Variants in FGF12 observed in about 807,000 individuals in gnomAD.
FGF12 encodes fibroblast growth factor 12B.
A neutral mutation model predicts 23.6 loss-of-function variants in FGF12; 14 were observed. The observed-to-expected ratio is 0.59, with a 90% CI of 0.39 to 0.93. The LOEUF is 0.93. Among genes scored for constraint, FGF12 ranks in the 40% least tolerant of loss-of-function variants. FGF12 has a pLI of 0.00. For synonymous variants in FGF12, 62 were observed against 77.3 expected (o/e 0.80, Z 1.04); for missense variants, 175 against 217.8 (o/e 0.80, Z 1.24).
chr3:192,672,913 G>T (rs968911490), intron 2 of FGF12: 6 of 150,666 alleles, frequency 4.0e-5, no homozygotes, highest in Non-Finnish European at 5.9e-5. Flanking sequence ...GACACACTTG[G>T]AAATGGAGAA....
intron 2 of FGF12, among the ~76,000 whole-genome samples, chr3:192,725,562 T>G (rs1039354402): frequency 6.6e-6 from 1 of 152,198 alleles, no homozygotes; most frequent in Non-Finnish European, 1.5e-5. Context: ...TAGCATGTTT[T>G]ATGGGCAACG....
intron 2 of FGF12, among the ~76,000 whole-genome samples, chr3:192,369,547 G>A (rs1719130071): frequency 6.6e-6 from 1 of 152,210 alleles, no homozygotes; most frequent in Non-Finnish European, 1.5e-5. Context: ...AGCTGTAGAA[G>A]ACATGAGACG....
At chr3:192,570,405 T>G (rs1424202862) in intron 2 of FGF12, among the ~76,000 whole-genome samples, 1 of 148,776 alleles carries the variant, frequency 6.7e-6, no homozygotes, top group African/African-American at 2.5e-5. Flanking sequence ...GTAGTCCAAA[T>G]ATGTGATTAA....
intron 4 of FGF12, among the ~76,000 whole-genome samples, chr3:192,269,882 C>A (rs1484431219): frequency 6.6e-6 from 1 of 151,956 alleles, no homozygotes; most frequent in African/African-American, 2.4e-5. Context: ...AGACAAATTT[C>A]TGAGTTTAAT....
chr3:192,365,074 A>T (rs1718913429), intron 2 of FGF12, among the ~76,000 whole-genome samples: 1 of 152,190 alleles, frequency 6.6e-6, no homozygotes, highest in African/African-American at 2.4e-5. Context: ...ATGTTCTACA[A>T]AATACTTGAC....
intron 2 of FGF12, among the ~76,000 whole-genome samples, chr3:192,657,268 T>C (rs1716464190): frequency 6.6e-6 from 1 of 152,194 alleles, no homozygotes; most frequent in African/African-American, 2.4e-5. Context: ...CACATTGTTC[T>C]GTATTAGAGC....
At chr3:192,673,801 T>C (rs1245512226) in intron 2 of FGF12, among the ~76,000 whole-genome samples, 1 of 151,188 alleles carries the variant, frequency 6.6e-6, no homozygotes, top group East Asian at 1.9e-4. Context: ...AATGGGCATT[T>C]GGGTTTGTTC....
chr3:192,502,406 C>T (rs1490204955), intron 2 of FGF12, among the ~76,000 whole-genome samples: 2 of 152,194 alleles, frequency 1.3e-5, no homozygotes, highest in African/African-American at 2.4e-5. Flanking sequence ...TCTGTGAGAA[C>T]AGATCATCCC....
chr3:192,158,322 TTCTTTCTTTC>T (rs1161196677), intron 5 of FGF12, among the ~76,000 whole-genome samples: 2 of 117,246 alleles, frequency 1.7e-5, no homozygotes, highest in Non-Finnish European at 3.4e-5. Context: ...TTCTCTTTCT[TTCTTTCTTTC>T]TCTTTCTTTC....
chr3:192,555,895 A>C (rs2108589817), intron 2 of FGF12, among the ~76,000 whole-genome samples: 1 of 152,226 alleles, frequency 6.6e-6, no homozygotes, highest in Admixed American at 6.5e-5. Flanking sequence ...TGGGGAGGAG[A>C]CGTAAAGGGC....
intron 2 of FGF12, among the ~76,000 whole-genome samples, chr3:192,420,442 A>G (rs1721489160): frequency 6.6e-6 from 1 of 152,152 alleles, no homozygotes; most frequent in Non-Finnish European, 1.5e-5. Flanking sequence ...AAATATGATC[A>G]CCAATGTTGG....
At chr3:192,724,730 C>G (rs1719154716) in intron 2 of FGF12, among the ~76,000 whole-genome samples, 1 of 152,068 alleles carries the variant, frequency 6.6e-6, no homozygotes, top group African/African-American at 2.4e-5. Context: ...AATAAGGAAG[C>G]AAAAATAAAT....
chr3:192,436,558 G>A (rs1722036036), intron 2 of FGF12, among the ~76,000 whole-genome samples: 1 of 152,194 alleles, frequency 6.6e-6, no homozygotes, highest in Non-Finnish European at 1.5e-5. Context: ...TAATTTGTCT[G>A]GAGCAAGGCT....
intron 5 of FGF12, among the ~76,000 whole-genome samples, chr3:192,165,593 T>C (rs1715121012): frequency 6.6e-6 from 1 of 152,144 alleles, no homozygotes; most frequent in South Asian, 2.1e-4. Context: ...CATTGTTAAT[T>C]CTTTCTTGCC....
intron 4 of FGF12, chr3:192,268,663 T>C: frequency 2.3e-6 from 1 of 443,880 alleles, no homozygotes; most frequent in Non-Finnish European, 4.5e-6. Flanking sequence ...GCTCCTCCTT[T>C]GCCTTGTCAT....
intron 2 of FGF12, among the ~76,000 whole-genome samples, chr3:192,410,134 G>GAAGAGCGA (rs879383991): frequency 6.6e-5 from 10 of 152,210 alleles, no homozygotes; most frequent in Middle Eastern, 3.4e-3. Context: ...CCGACCCACG[G>GAAGAGCGA]AAGAGCGAAA....
At chr3:192,486,242 T>C (rs1723629252) in intron 2 of FGF12, among the ~76,000 whole-genome samples, 1 of 152,168 alleles carries the variant, frequency 6.6e-6, no homozygotes, top group African/African-American at 2.4e-5. Context: ...AGACAGACGT[T>C]TCTTATCCTC....
chr3:192,174,806 T>C (rs1485368412), intron 4 of FGF12, among the ~76,000 whole-genome samples: 1 of 151,932 alleles, frequency 6.6e-6, no homozygotes, highest in African/African-American at 2.4e-5. Flanking sequence ...GGATTTTAGG[T>C]AAGTGATTAC....
chr3:192,410,831 T>C (rs1402509406), intron 2 of FGF12, among the ~76,000 whole-genome samples: 1 of 152,150 alleles, frequency 6.6e-6, no homozygotes, highest in Non-Finnish European at 1.5e-5. Context: ...CAGACGTGAA[T>C]GTGACGACAT....
Sources: allele counts gnomAD v4.1 joint callset (sites outside exome capture counted in the v4.1 genomes callset), GRCh38; gene constraint gnomAD v4.1.1; transcripts MANE v1.5; gene names NCBI Gene and HGNC (gene_info 2026-07-23, HGNC 2026-07-21).